The following LGALS9 variants were observed in gnomAD, a reference collection of about 807,000 sequenced individuals.
LGALS9 encodes the protein galectin 9.
Under a neutral mutation model 35.9 loss-of-function variants are expected in LGALS9, and 26 were observed. That is an observed-to-expected ratio of 0.72 (90% CI 0.53 to 1.01). LGALS9 has a LOEUF of 1.01. Among genes scored for constraint, LGALS9 ranks in the 50% least tolerant of loss-of-function variants. LGALS9 has a pLI of 0.00. For synonymous variants in LGALS9, 149 were observed against 172.2 expected (o/e 0.87, Z 1.06); for missense variants, 347 against 445.8 (o/e 0.78, Z 1.99).
At chr17:27,643,088 C>A (rs1904643468) in intron 4 of LGALS9, among the ~76,000 whole-genome samples, 1 of 152,192 alleles carries the variant, frequency 6.6e-6, no homozygotes, top group Non-Finnish European at 1.5e-5. Context: ...TAAATAAGGT[C>A]AGGAGATACC....
At chr17:27,648,630 C>T (rs1300511587) in intron 10 of LGALS9, among the ~76,000 whole-genome samples, 1 of 151,982 alleles carries the variant, frequency 6.6e-6, no homozygotes, top group African/African-American at 2.4e-5. Flanking sequence ...GGGGTGGGAA[C>T]AGTATTCTAG....
At chr17:27,647,558 G>T in intron 10 of LGALS9, 126 bp downstream of exon 10, 3 of 1,344,846 alleles carry the variant, frequency 2.2e-6, no homozygotes, top group Non-Finnish European at 3.0e-6. Flanking sequence ...CCCAAAAGAA[G>T]AGAAGGTGGC....
intron 5 of LGALS9, chr17:27,644,686 C>G (rs187904977): frequency 6.5e-6 from 1 of 153,128 alleles, no homozygotes; most frequent in African/African-American, 2.4e-5. Context: ...CCTCCTGCCA[C>G]GCTGACTTCA....
At chr17:27,644,185 C>A in intron 5 of LGALS9, 1 of 154,752 alleles carries the variant, frequency 6.5e-6, no homozygotes, top group Non-Finnish European at 1.4e-5. Context: ...CCGGAAGCAC[C>A]CTCTGCCAGC....
intron 1 of LGALS9, among the ~76,000 whole-genome samples, chr17:27,631,755 A>G (rs2074395529): frequency 6.6e-6 from 1 of 151,830 alleles, no homozygotes; most frequent in Non-Finnish European, 1.5e-5. Context: ...AGTGGGAATA[A>G]TACTTGAGCC....
chr17:27,638,971 C>A (rs935028419), intron 2 of LGALS9, among the ~76,000 whole-genome samples: 2 of 152,134 alleles, frequency 1.3e-5, no homozygotes, highest in Admixed American at 1.3e-4. Flanking sequence ...GGCACCCCGA[C>A]CGGGTGGCAC....
intron 7 of LGALS9, 33 bp downstream of exon 7, chr17:27,645,944 G>A: frequency 6.2e-7 from 1 of 1,611,224 alleles, no homozygotes; most frequent in Non-Finnish European, 8.5e-7. Context: ...GTTCACAGCT[G>A]CACAGTGTCC....
Position 27,638,691 on chromosome 17 carries a change from C to T in LGALS9, c.131+337C>T, listed in dbSNP as rs146432592. On this transcript the variant is annotated intron_variant, in intron 2 of 10. Coordinates refer to ENST00000395473, the MANE Select transcript of LGALS9 (RefSeq NM_009587.3). ...CAAAAATCAAACTTCCTCCATTTCC[C>T]GTAACTGCTCTCATCCACTCTGAAG... 8.2e-3 allele frequency: 3,110 copies of T among 381,014 alleles called. 22 individuals carry two copies. The highest frequency in any genetic ancestry group is 9.6e-3 in the Non-Finnish European group (1,915 of 198,838). 23.6% of individuals were successfully genotyped at this position (381,014 alleles called of 1,614,324 possible).
At chr17:27,640,194 T>C (rs1904359121) in intron 2 of LGALS9, among the ~76,000 whole-genome samples, 1 of 152,242 alleles carries the variant, frequency 6.6e-6, no homozygotes, top group Non-Finnish European at 1.5e-5. Flanking sequence ...TAATCAGGCA[T>C]GTGCTGGCCT....
At chr17:27,644,423 G>A (rs1020860065) in intron 5 of LGALS9, 3 of 152,532 alleles carry the variant, frequency 2.0e-5, no homozygotes, top group African/African-American at 7.2e-5. Context: ...AGAGGGCCAG[G>A]ACTGTGGCTT....
intron 1 of LGALS9, among the ~76,000 whole-genome samples, chr17:27,635,655 T>A (rs2074441528): frequency 6.6e-6 from 1 of 152,084 alleles, no homozygotes; most frequent in South Asian, 2.1e-4. Flanking sequence ...TTGTGTGTAC[T>A]TGCCAGCCCA....
At chr17:27,641,111 T>G (rs1904460641) in intron 3 of LGALS9, 1 of 484,522 alleles carries the variant, frequency 2.1e-6, no homozygotes, top group Non-Finnish European at 4.0e-6. Flanking sequence ...TAACATTTAT[T>G]TTTCAGCGAC....
In LGALS9 at chr17:27,646,996, C is replaced by T. The variant is rs943907752; in HGVS notation, c.670-34C>T. 9 of 1,613,438 alleles carry T rather than the reference C, an allele frequency of 5.6e-6. No homozygotes were observed. The African/African-American group carries it at 6.7e-5, about 12-fold the overall frequency. ...GAACTGGTACAATCTTCCCCTTCCG[C>T]GTGGTGGCTGACCTGTCCCCCTTCT... On this transcript the variant is annotated intron_variant, in intron 8 of 10. Coordinates refer to ENST00000395473, the MANE Select transcript of LGALS9 (RefSeq NM_009587.3).
chr17:27,643,713 G>T, intron 5 of LGALS9, 93 bp downstream of exon 5: 7 of 1,479,234 alleles, frequency 4.7e-6, no homozygotes, highest in Non-Finnish European at 6.3e-6. Flanking sequence ...GCCACTCAGG[G>T]CCTACAGGCC....
chr17:27,635,216 C>T (rs530523806), intron 1 of LGALS9, among the ~76,000 whole-genome samples: 4 of 152,122 alleles, frequency 2.6e-5, no homozygotes, highest in East Asian at 3.9e-4. Context: ...TTTGGGAGGC[C>T]GAGCCGGAAG....
intron 1 of LGALS9, among the ~76,000 whole-genome samples, chr17:27,631,938 GT>G (rs2074397378): frequency 6.6e-6 from 1 of 152,090 alleles, no homozygotes; most frequent in Middle Eastern, 3.2e-3. Context: ...GCATGGGCAT[GT>G]TCAGGGCATC....
At chr17:27,647,179 T>G in intron 9 of LGALS9, 61 bp downstream of exon 9, 1 of 1,613,904 alleles carries the variant, frequency 6.2e-7, no homozygotes. Flanking sequence ...AGTCCAGCCA[T>G]TCCCCTGGCT....
chr17:27,648,885 A>C lies in LGALS9; in HGVS notation c.971A>C (p.Gln324Pro). The C allele has an allele frequency of 6.2e-7, 1 of 1,613,930 alleles. No individual in the cohort carries two copies. Among genetic ancestry groups the C allele is most frequent in the Non-Finnish European group, 8.5e-7 (1 of 1,179,858 alleles). The change falls in exon 11 of 11, where the codon CAG (glutamine) becomes CCG (proline). Residue 324 changes from glutamine (Q) to proline (P), a missense_variant. By Grantham distance (76) the Gln-to-Pro change is moderately conservative. Transcript: ENST00000395473. ...AHCLKVAVDG[Q>P]HLFEYYHRLR... is the part of the protein sequence containing the mutation. Reference sequence around the variant, plus strand: ...TGCCTCAAGGTGGCCGTGGATGGTCAGCACCTGTTTGAATACTACCATCGC... The same window carrying C: ...TGCCTCAAGGTGGCCGTGGATGGTCCGCACCTGTTTGAATACTACCATCGC...
Position 27,643,516 on chromosome 17 carries a change from T to G in LGALS9, c.445-9T>G, listed in dbSNP as rs1904679662. Reference sequence around the variant, plus strand: ...TCTCCTCACTGCCCGGTGCCTTTTGTTTTAACAGAACCCCCGCACAGTCCC... The same window carrying G: ...TCTCCTCACTGCCCGGTGCCTTTTGGTTTAACAGAACCCCCGCACAGTCCC... On this transcript the variant is annotated splice_polypyrimidine_tract_variant and intron_variant, in intron 4 of 10. Coordinates refer to ENST00000395473, the MANE Select transcript of LGALS9 (RefSeq NM_009587.3). The G allele has an allele frequency of 1.7e-5, 28 of 1,611,790 alleles. No homozygotes were observed. The highest frequency in any genetic ancestry group is 2.3e-5 in the Non-Finnish European group (27 of 1,179,722).
Sources: gnomAD v4.1 joint callset for allele counts (sites outside exome capture counted in the v4.1 genomes callset) on GRCh38, gnomAD v4.1.1 for gene constraint, MANE v1.5 for transcripts, NCBI Gene and HGNC (gene_info 2026-07-23, HGNC 2026-07-21) for gene names.